ATP10B: variants seen among roughly 807,000 people sequenced by gnomAD.
ATP10B encodes phospholipid-transporting ATPase VB.
Under a neutral mutation model 141.2 loss-of-function variants are expected in ATP10B, and 122 were observed. The observed-to-expected ratio is 0.86, with a 90% CI of 0.75 to 1.00. The LOEUF (loss-of-function observed/expected upper bound fraction) is 1.00, where lower values mean the gene tolerates loss of function less well. ATP10B is among the 50% of genes least tolerant of loss of function. The pLI is 0.00. For missense variants in ATP10B, 1,876 were observed against 1,825.3 expected (o/e 1.03, Z -0.51); for synonymous variants, 685 against 692.0 (o/e 0.99, Z 0.16).
chr5:160,653,878 TAC>T (rs1761232653), intron 7 of ATP10B, among the ~76,000 whole-genome samples: 1 of 115,026 alleles, frequency 8.7e-6, no homozygotes, highest in Non-Finnish European at 1.7e-5. Flanking sequence ...TATACGTATA[TAC>T]ATATATAAAT....
At chr5:160,707,440 A>G (rs1765083932) in intron 3 of ATP10B, among the ~76,000 whole-genome samples, 1 of 152,212 alleles carries the variant, frequency 6.6e-6, no homozygotes, top group South Asian at 2.1e-4. Context: ...TTCTTGCTCC[A>G]TTTGAGATGC....
chr5:160,840,576 G>A lies in ATP10B; in HGVS notation c.-576+11365C>T, dbSNP rs145943981. ...AAATAAATGGATCAGAATTCTAAAT[G>A]TAAAATAATGTAACTTTACTGCAAG... On this transcript the variant is annotated intron_variant, in intron 1 of 25. Coordinates refer to ENST00000327245, the MANE Select transcript of ATP10B (RefSeq NM_025153.3). Among the ~76,000 whole-genome samples, 915 of 152,086 alleles carry A rather than the reference G, an allele frequency of 6.0e-3. 13 individuals carry two copies. Among genetic ancestry groups the A allele is most frequent in the African/African-American group, 0.021 (871 of 41,530 alleles).
chr5:160,750,533 A>ATT (rs1768082406), intron 2 of ATP10B, among the ~76,000 whole-genome samples: 1 of 151,922 alleles, frequency 6.6e-6, no homozygotes, highest in Non-Finnish European at 1.5e-5. Flanking sequence ...CTTAATCCCC[A>ATT]CTGCTGCCAT....
Position 160,602,642 on chromosome 5 carries a change from C to G in ATP10B, c.3298G>C (p.Val1100Leu). ...RFKHLKKLLL[V>L]HGHWCYSRLA... ...CGCGAGTAACACCAGTGGCCATGCA[C>G]GAGCAGCAACTTCTTGAGATGCTTA... The change falls in exon 21 of 26, where the codon GTG becomes CTG. Residue 1100 changes from valine to leucine, a missense_variant. Transcript: ENST00000327245. 6.2e-7 allele frequency: 1 copy of G among 1,614,080 alleles called. No homozygotes were observed. Among genetic ancestry groups the G allele is most frequent in the East Asian group, 2.2e-5 (1 of 44,860 alleles).
rs573477394 is a variant in ATP10B at position 160,724,876 on chromosome 5, T to C, written c.-330-7842A>G. On this transcript the variant is annotated intron_variant, in intron 2 of 25. Coordinates refer to ENST00000327245, the MANE Select transcript of ATP10B (RefSeq NM_025153.3). ...TTTGTCCTCCTTCCTTGCATTTTTT[T>C]ATTCAAAGCATTTATCATCTGATGT... Among the ~76,000 whole-genome samples, 8 of 152,374 alleles carry C rather than the reference T, an allele frequency of 5.3e-5. No individual in the cohort carries two copies. In the South Asian group the frequency reaches 1.7e-3, roughly 32 times the overall value.
chr5:160,679,981 T>C (rs1005343222), intron 6 of ATP10B, among the ~76,000 whole-genome samples: 4 of 152,202 alleles, frequency 2.6e-5, no homozygotes, highest in Non-Finnish European at 5.9e-5. Flanking sequence ...CTCGAAGTCA[T>C]TCCATAAATC....
intron 2 of ATP10B, among the ~76,000 whole-genome samples, chr5:160,752,727 C>T (rs186363503): frequency 6.8e-4 from 104 of 152,238 alleles, no homozygotes; most frequent in African/African-American, 2.2e-3. Context: ...GTGAAGTCAA[C>T]GCGGGGATGT....
chr5:160,767,644 C>CA (rs1205117227), intron 2 of ATP10B, among the ~76,000 whole-genome samples: 1 of 133,602 alleles, frequency 7.5e-6, no homozygotes, highest in African/African-American at 2.6e-5. Flanking sequence ...AACCCCCCCC[C>CA]CCAAAATAAC....
intron 8 of ATP10B, among the ~76,000 whole-genome samples, chr5:160,648,652 T>C (rs1346766945): frequency 1.3e-5 from 2 of 152,212 alleles, no homozygotes; most frequent in Non-Finnish European, 2.9e-5. Context: ...GCTTTGTGTA[T>C]GCTGACAATC....
intron 3 of ATP10B, among the ~76,000 whole-genome samples, chr5:160,706,989 C>T (rs113344867): frequency 1.3e-5 from 2 of 151,752 alleles, no homozygotes; most frequent in African/African-American, 2.4e-5. Context: ...CTCGCTTTGT[C>T]GCCCAGGCTG....
Position 160,659,928 on chromosome 5 carries a change from T to G in ATP10B, c.675+10535A>C, listed in dbSNP as rs561990289. Among the ~76,000 whole-genome samples, 17 of 152,332 alleles carry G rather than the reference T, an allele frequency of 1.1e-4. No individual in the cohort carries two copies. The East Asian group carries it at 1.5e-3, about 14-fold the overall frequency. ...TTCTAATTTGGTCTCAACACTATATTACCTGGATAATCTTTGACAAATTTG... is the reference window on the plus strand; with the variant it reads ...TTCTAATTTGGTCTCAACACTATATGACCTGGATAATCTTTGACAAATTTG... On this transcript the variant is annotated intron_variant, in intron 7 of 25. Transcript: ENST00000327245.
the ATP10B span, among the ~76,000 whole-genome samples, chr5:160,873,163 T>C: frequency 1.3e-5 from 2 of 151,962 alleles, no homozygotes; most frequent in Non-Finnish European, 2.9e-5. Context: ...TTTGAGTTCT[T>C]GATCTGATTC....
At chr5:160,635,640 T>C (rs1054989630) in intron 11 of ATP10B, among the ~76,000 whole-genome samples, 9 of 152,204 alleles carry the variant, frequency 5.9e-5, no homozygotes, top group African/African-American at 2.2e-4. Context: ...TTTTCATTGA[T>C]TGTATTTTCT....
chr5:160,702,327 G>T (rs971167176), intron 3 of ATP10B, among the ~76,000 whole-genome samples: 2 of 152,170 alleles, frequency 1.3e-5, no homozygotes, highest in Non-Finnish European at 2.9e-5. Flanking sequence ...TCTCCAGTTA[G>T]AAGTAACTGT....
At chr5:160,897,181 A>T in the ATP10B span, among the ~76,000 whole-genome samples, 1 of 152,210 alleles carries the variant, frequency 6.6e-6, no homozygotes, top group African/African-American at 2.4e-5. Context: ...TAGTATTAGA[A>T]GTTCTGGCCA....
In ATP10B at chr5:160,671,037, T is replaced by C. The variant is rs576913004; in HGVS notation, c.471-370A>G. On this transcript the variant is annotated intron_variant, in intron 6 of 25. Transcript: ENST00000327245. ...AAAATTAGCTGGGTGTGGTGGTGCG[T>C]GCCTGTAGTCCCAGCTGCTCGGGAG... is the stretch of plus-strand genomic sequence containing the variant. 3.3e-5 allele frequency among the ~76,000 whole-genome samples: 5 copies of C among 151,674 alleles called. No individual in the cohort carries two copies. The South Asian group carries it at 1.0e-3, about 32-fold the overall frequency.
intron 6 of ATP10B, chr5:160,685,318 C>T (rs1763683454): frequency 1.7e-6 from 1 of 577,022 alleles, no homozygotes; most frequent in African/African-American, 1.9e-5. Flanking sequence ...CAGAAGGATA[C>T]TAAAAATGAA....
intron 1 of ATP10B, among the ~76,000 whole-genome samples, chr5:160,846,144 A>G (rs967174267): frequency 6.6e-6 from 1 of 152,002 alleles, no homozygotes; most frequent in Non-Finnish European, 1.5e-5. Flanking sequence ...TCAGTCCACA[A>G]ACTGTTTACT....
At position 160,590,594 on chromosome 5, in the gene ATP10B, G is replaced by A. The variant is rs116146890; in HGVS notation, c.3645+465C>T. On this transcript the variant is annotated intron_variant, in intron 23 of 25. Transcript: ENST00000327245. ...TCAGATAATGTAGTATCTCATTATC[G>A]GAACTTGCTGCCTCTGAAGGCTAGC... Among the ~76,000 whole-genome samples the A allele has an allele frequency of 9.1e-3, 1,379 of 152,240 alleles. 15 individuals are homozygous for A. Among genetic ancestry groups the A allele is most frequent in the African/African-American group, 0.031 (1,300 of 41,526 alleles).
Sources: gnomAD v4.1 joint callset for allele counts (sites outside exome capture counted in the v4.1 genomes callset) on GRCh38, gnomAD v4.1.1 for gene constraint, MANE v1.5 for transcripts, NCBI Gene and HGNC (gene_info 2026-07-23, HGNC 2026-07-21) for gene names.